GMDS: variants seen among roughly 807,000 people sequenced by gnomAD.
GMDS encodes GDP-mannose 4,6-dehydratase, also known as GDP-mannose 4,6 dehydratase.
GMDS carries 20 observed loss-of-function variants against 49.9 expected under a neutral mutation model. The ratio of observed to expected loss-of-function variants is 0.40; its 90% CI spans 0.28 to 0.58. GMDS has a LOEUF of 0.58. Ranked by LOEUF, GMDS falls within the 20% of genes least tolerant of loss-of-function variation. The pLI, the probability that GMDS is intolerant of heterozygous loss-of-function variation, is 0.42. For missense variants in GMDS, 362 were observed against 481.4 expected (o/e 0.75, Z 2.32); for synonymous variants, 177 against 178.6 (o/e 0.99, Z 0.07).
chr6:1,868,265 G>A lies in GMDS; in HGVS notation c.771+61838C>T, dbSNP rs549703110. ...CTCCCAAAGTGCTGGGATTACAGGC[G>A]TGATCCACCGCACCCGGCCCTCAAC... On this transcript the variant is annotated intron_variant, in intron 7 of 10. Coordinates refer to ENST00000380815, the MANE Select transcript of GMDS (RefSeq NM_001500.4). 5.9e-5 allele frequency among the ~76,000 whole-genome samples: 9 copies of A among 152,220 alleles called. No individual in the cohort carries two copies. In the East Asian group the frequency reaches 1.7e-3, roughly 29 times the overall value.
chr6:2,006,549 A>G (rs542222927), intron 4 of GMDS, among the ~76,000 whole-genome samples: 2 of 152,300 alleles, frequency 1.3e-5, no homozygotes, highest in South Asian at 4.1e-4. Context: ...TTTCTTAACA[A>G]CTGCCACAAA....
At chr6:1,672,579 G>A (rs1764464811) in intron 9 of GMDS, among the ~76,000 whole-genome samples, 1 of 152,212 alleles carries the variant, frequency 6.6e-6, no homozygotes. Context: ...ATCTGATGCT[G>A]GGAGATAATT....
At chr6:1,971,082 G>A (rs1326557366) in intron 4 of GMDS, among the ~76,000 whole-genome samples, 3 of 152,110 alleles carry the variant, frequency 2.0e-5, no homozygotes, top group African/African-American at 7.2e-5. Flanking sequence ...AGCAAAAGGA[G>A]AGATAAATGC....
chr6:1,943,203 G>A (rs1762902719), intron 6 of GMDS, among the ~76,000 whole-genome samples: 2 of 152,206 alleles, frequency 1.3e-5, no homozygotes, highest in South Asian at 4.2e-4. Context: ...TTCTCTGGAC[G>A]GCCCCTTCTC....
intron 1 of GMDS, among the ~76,000 whole-genome samples, chr6:2,214,028 T>G (rs1463777967): frequency 6.6e-6 from 1 of 152,152 alleles, no homozygotes; most frequent in Admixed American, 6.5e-5. Flanking sequence ...AATCCTCTTG[T>G]CATACCAGAA....
intron 6 of GMDS, among the ~76,000 whole-genome samples, chr6:1,956,086 C>CT (rs1763620582): frequency 6.6e-6 from 1 of 152,222 alleles, no homozygotes; most frequent in Non-Finnish European, 1.5e-5. Flanking sequence ...TCACTATGCT[C>CT]TTTAACATTT....
intron 4 of GMDS, among the ~76,000 whole-genome samples, chr6:2,065,936 G>C (rs1365534543): frequency 1.3e-5 from 2 of 152,116 alleles, no homozygotes; most frequent in South Asian, 2.1e-4. Flanking sequence ...CAAAGATACT[G>C]CTCAAGAAGA....
At chr6:2,002,385 T>A (rs1194107899) in intron 4 of GMDS, among the ~76,000 whole-genome samples, 1 of 152,218 alleles carries the variant, frequency 6.6e-6, no homozygotes, top group Non-Finnish European at 1.5e-5. Context: ...AGTTAGAGAC[T>A]GAATTATAAA....
chr6:1,708,341 A>G (rs1287839500), intron 9 of GMDS, among the ~76,000 whole-genome samples: 3 of 152,242 alleles, frequency 2.0e-5, no homozygotes, highest in African/African-American at 7.2e-5. Context: ...GCGTGTTTGG[A>G]GAAGCTGGAG....
chr6:1,943,995 T>C (rs927826753), intron 6 of GMDS, among the ~76,000 whole-genome samples: 2 of 152,120 alleles, frequency 1.3e-5, no homozygotes, highest in Non-Finnish European at 2.9e-5. Flanking sequence ...TTTGCAGAAA[T>C]GACTTATTTG....
chr6:2,142,543 C>T (rs975805540), intron 1 of GMDS, among the ~76,000 whole-genome samples: 5 of 152,158 alleles, frequency 3.3e-5, no homozygotes, highest in South Asian at 2.1e-4. Flanking sequence ...AAACCACCAG[C>T]GGCAAGGTAA....
At chr6:2,175,890 C>G (rs1355860431) in intron 1 of GMDS, 1 of 1,047,442 alleles carries the variant, frequency 9.5e-7, no homozygotes, top group Admixed American at 2.0e-5. Flanking sequence ...GCTTGTGGCA[C>G]TATGATTAGC....
intron 4 of GMDS, among the ~76,000 whole-genome samples, chr6:2,067,465 T>C (rs1771680855): frequency 6.6e-6 from 1 of 151,888 alleles, no homozygotes; most frequent in African/African-American, 2.4e-5. Context: ...AAAAAATTAA[T>C]GAATCCAGGA....
At chr6:1,907,562 T>C (rs1032601967) in intron 7 of GMDS, among the ~76,000 whole-genome samples, 5 of 152,242 alleles carry the variant, frequency 3.3e-5, no homozygotes, top group African/African-American at 1.2e-4. Context: ...ATCATCTCAC[T>C]AACATAGGTG....
At chr6:1,730,241 T>A (rs1766739463) in intron 8 of GMDS, among the ~76,000 whole-genome samples, 8 of 152,220 alleles carry the variant, frequency 5.3e-5, no homozygotes, top group Admixed American at 5.2e-4. Flanking sequence ...CACACACTTT[T>A]GCTCCTTCCG....
intron 4 of GMDS, among the ~76,000 whole-genome samples, chr6:2,051,778 G>A (rs1408563507): frequency 6.6e-6 from 1 of 152,138 alleles, no homozygotes; most frequent in Non-Finnish European, 1.5e-5. Flanking sequence ...TGATAATTGT[G>A]TTGTTTAAAT....
chr6:1,650,722 G>A (rs1241715080), intron 9 of GMDS, among the ~76,000 whole-genome samples: 2 of 149,550 alleles, frequency 1.3e-5, no homozygotes, highest in African/African-American at 5.0e-5. Flanking sequence ...TTACAGGTGT[G>A]CATCACCATG....
chr6:1,979,590 G>T (rs1292210738), intron 4 of GMDS, among the ~76,000 whole-genome samples: 2 of 152,256 alleles, frequency 1.3e-5, no homozygotes, highest in East Asian at 3.9e-4. Flanking sequence ...TGAACAATAT[G>T]GGGAGAATGG....
chr6:1,624,249 G>A lies in GMDS; in HGVS notation c.1057-18C>T, dbSNP rs1194085575. The A allele has an allele frequency of 6.2e-7, 1 of 1,609,046 alleles. No homozygotes were observed. Among genetic ancestry groups the A allele is most frequent in the Non-Finnish European group, 8.5e-7 (1 of 1,178,192 alleles). On this transcript the variant is annotated intron_variant, in intron 10 of 10. Transcript: ENST00000380815. ...ACCAGCTCCTGCAACACAGGGGTGG[G>A]CGTGAGGGAGGAGCTTCTGCCACTC... is the stretch of plus-strand genomic sequence containing the variant.
Sources: allele counts gnomAD v4.1 joint callset (sites outside exome capture counted in the v4.1 genomes callset), GRCh38; gene constraint gnomAD v4.1.1; transcripts MANE v1.5; gene names NCBI Gene and HGNC (gene_info 2026-07-23, HGNC 2026-07-21).